Variants in TRIT1 observed in about 807,000 individuals in gnomAD.
TRIT1 encodes tRNA isopentenyltransferase 1.
In TRIT1, 43 loss-of-function variants were observed where a neutral mutation model predicts 51.2. The observed-to-expected ratio is 0.84, with a 90% CI of 0.66 to 1.08. The LOEUF (loss-of-function observed/expected upper bound fraction) is 1.08. Among genes scored for constraint, TRIT1 ranks in the 50% least tolerant of loss-of-function variants. The pLI, the probability that TRIT1 is intolerant of heterozygous loss-of-function variation, is 0.00. For synonymous variants in TRIT1, 184 were observed against 203.9 expected (o/e 0.90, Z 0.83); for missense variants, 528 against 578.4 (o/e 0.91, Z 0.89).
chr1:39,852,791 C>T lies in TRIT1; in HGVS notation c.500G>A (p.Ser167Asn). The T allele has an allele frequency of 6.2e-7, 1 of 1,614,198 alleles. No individual in the cohort carries two copies. ...EDGLVLHKRL[S>N]QVDPEMAAKL... is the part of the protein sequence containing the mutation. Reference sequence around the variant, plus strand: ...GGCAGCCATTTCTGGGTCCACCTGGCTTAGGCGTTTGTGAAGTACAAGACC... The same window carrying T: ...GGCAGCCATTTCTGGGTCCACCTGGTTTAGGCGTTTGTGAAGTACAAGACC... The change falls in exon 4 of 11, where the codon AGC (serine) becomes AAC (asparagine). Residue 167 changes from serine (S) to asparagine (N), a missense_variant. Around this residue, in one of 3 missense-constraint regions of TRIT1, gnomAD observed 468 missense variants for 522.6 expected, o/e 0.90. Coordinates refer to ENST00000316891, the MANE Select transcript of TRIT1 (RefSeq NM_017646.6).
chr1:39,859,978 T>C (rs1643147084), intron 1 of TRIT1, among the ~76,000 whole-genome samples: 1 of 152,200 alleles, frequency 6.6e-6, no homozygotes, highest in African/African-American at 2.4e-5. Flanking sequence ...CCTTTAGGTG[T>C]ATCTTCTAGA....
chr1:39,859,871 T>C (rs966648922), intron 1 of TRIT1, among the ~76,000 whole-genome samples: 1 of 152,230 alleles, frequency 6.6e-6, no homozygotes, highest in African/African-American at 2.4e-5. Context: ...AATGTACAAT[T>C]ACCCACACCT....
intron 3 of TRIT1, among the ~76,000 whole-genome samples, chr1:39,853,149 T>C (rs553712585): frequency 1.3e-5 from 2 of 152,310 alleles, no homozygotes; most frequent in East Asian, 3.9e-4. Context: ...ATGTCTATTT[T>C]AGCATATCCA....
chr1:39,855,344 T>C (rs1250142263), intron 2 of TRIT1, among the ~76,000 whole-genome samples: 1 of 152,176 alleles, frequency 6.6e-6, no homozygotes, highest in Non-Finnish European at 1.5e-5. Flanking sequence ...AAAACACTGT[T>C]TGCTTTAAAA....
At chr1:39,868,645 A>C (rs1426430478) in intron 1 of TRIT1, among the ~76,000 whole-genome samples, 1 of 68,556 alleles carries the variant, frequency 1.5e-5, no homozygotes, top group Admixed American at 1.5e-4. Flanking sequence ...ACTTCCTCTC[A>C]AAAAAAAAAA....
chr1:39,850,009 T>C (rs551020570), intron 5 of TRIT1, 110 bp downstream of exon 5: 63 of 1,113,600 alleles, frequency 5.7e-5, no homozygotes, highest in Admixed American at 2.1e-4. Context: ...TAGCTAATAC[T>C]TGTTTAGTGT....
rs186571389 is a variant in TRIT1 at position 39,853,687 on chromosome 1, C to T, written c.414+283G>A. ...TTGGCCTCCCAAAGTGCTGGGATTA[C>T]AGGTGTGAGCCACCACGCCTGGCCT... On this transcript the variant is annotated intron_variant, in intron 3 of 10. Transcript: ENST00000316891. 1.6e-4 allele frequency among the ~76,000 whole-genome samples: 25 copies of T among 152,330 alleles called. No homozygotes were observed. The East Asian group carries it at 3.7e-3, about 22-fold the overall frequency.
At chr1:39,879,361 G>C (rs1644169753) in intron 1 of TRIT1, among the ~76,000 whole-genome samples, 3 of 152,074 alleles carry the variant, frequency 2.0e-5, no homozygotes, top group South Asian at 2.1e-4. Context: ...TATGCCACTG[G>C]GGATGGAAAG....
rs1642276729 is a variant in TRIT1 at position 39,847,204 on chromosome 1, A to G, written c.1006+16T>C. ...TGAAAACAGACCCATAGGATAAAGA[A>G]AAACATGAGACTTACTGCTCAAAAA... On this transcript the variant is annotated intron_variant, in intron 8 of 10. Coordinates refer to ENST00000316891, the MANE Select transcript of TRIT1 (RefSeq NM_017646.6). The G allele has an allele frequency of 1.2e-6, 2 of 1,612,048 alleles. No homozygotes were observed. The highest frequency in any genetic ancestry group is 1.1e-5 in the South Asian group (1 of 91,010).
At chr1:39,861,607 AAT>A (rs1643249935) in intron 1 of TRIT1, among the ~76,000 whole-genome samples, 1 of 152,160 alleles carries the variant, frequency 6.6e-6, no homozygotes, top group South Asian at 2.1e-4. Flanking sequence ...TACGCATACA[AAT>A]GAGTATTATT....
rs1016849832 is a variant in TRIT1, at chr1:39,840,368, T to C, written c.*1376A>G. ...CTACCTTCTCCTCTATGAAGTCTTATATGCATAGGAAACAAAACATTTATC... is the reference window on the plus strand; with the variant it reads ...CTACCTTCTCCTCTATGAAGTCTTACATGCATAGGAAACAAAACATTTATC... On this transcript the variant is annotated 3_prime_UTR_variant, in exon 11 of 11. Transcript: ENST00000316891. 6.6e-5 allele frequency among the ~76,000 whole-genome samples: 10 copies of C among 152,378 alleles called. No individual in the cohort carries two copies. Among genetic ancestry groups the C allele is most frequent in the African/African-American group, 1.9e-4 (8 of 41,582 alleles).
At chr1:39,869,932 C>CG (rs1016962543) in intron 1 of TRIT1, among the ~76,000 whole-genome samples, 2 of 150,974 alleles carry the variant, frequency 1.3e-5, no homozygotes, top group East Asian at 2.0e-4. Flanking sequence ...GTCCGGGAGG[C>CG]GGGGGGCGCC....
intron 1 of TRIT1, among the ~76,000 whole-genome samples, chr1:39,866,175 T>C (rs1277674994): frequency 6.6e-6 from 1 of 151,994 alleles, no homozygotes; most frequent in East Asian, 1.9e-4. Context: ...ACATCTAACA[T>C]CTCTTCTAGT....
At chr1:39,844,735 C>T in intron 8 of TRIT1, 95 bp from the exon 9 acceptor site, 1 of 822,072 alleles carries the variant, frequency 1.2e-6, no homozygotes. Flanking sequence ...ATACACAGAG[C>T]CAAAGGAGTA....
chr1:39,856,920 A>G (rs750462769), intron 2 of TRIT1, among the ~76,000 whole-genome samples: 2 of 152,178 alleles, frequency 1.3e-5, no homozygotes, highest in African/African-American at 2.4e-5. Flanking sequence ...AAATTTTCTG[A>G]TTCTTAAATT....
At position 39,857,404 on chromosome 1, in the gene TRIT1, AG is replaced by A; in HGVS notation, c.187del (p.Leu63Ter). ...AGAAACCTTGTTGGTGATGATGTCT[AG>A]GCCTTCATAGACCTAGGGGAAAGAA... is the stretch of plus-strand genomic sequence containing the variant. Reference protein sequence around the residue: ...SADSMQVYEGLDIITNKVSAQ... With the variant: ...SADSMQVYEGXDIITNKVSAQ... On this transcript the variant is annotated frameshift_variant, in exon 2 of 11. Coordinates refer to ENST00000316891, the MANE Select transcript of TRIT1 (RefSeq NM_017646.6). LOFTEE classifies it high-confidence loss of function. The A allele has an allele frequency of 6.2e-7, 1 of 1,614,046 alleles. No individual in the cohort carries two copies. Among genetic ancestry groups the A allele is most frequent in the Non-Finnish European group, 8.5e-7 (1 of 1,179,946 alleles).
chr1:39,859,036 A>T (rs1237675221), intron 1 of TRIT1, among the ~76,000 whole-genome samples: 1 of 152,058 alleles, frequency 6.6e-6, no homozygotes, highest in Admixed American at 6.6e-5. Context: ...GCGGATCACG[A>T]TGTCAGGAGT....
chr1:39,850,349 G>A, intron 4 of TRIT1, 88 bp from the exon 5 acceptor site: 1 of 1,491,666 alleles, frequency 6.7e-7, no homozygotes, highest in Non-Finnish European at 9.1e-7. Flanking sequence ...GAGAAAGGCT[G>A]TTTATTACAG....
At chr1:39,844,987 C>T (rs947982756) in intron 8 of TRIT1, among the ~76,000 whole-genome samples, 6 of 152,242 alleles carry the variant, frequency 3.9e-5, no homozygotes, top group South Asian at 2.1e-4. Context: ...AAGTAAGTGC[C>T]TATTCTAAGT....
Sources: allele counts gnomAD v4.1 joint callset (sites outside exome capture counted in the v4.1 genomes callset), GRCh38; gene constraint gnomAD v4.1.1; regional missense constraint gnomAD v4.1.1; transcripts MANE v1.5; gene names NCBI Gene and HGNC (gene_info 2026-07-23, HGNC 2026-07-21).